SYNPR: variants seen among roughly 807,000 people sequenced by gnomAD.
The protein encoded by SYNPR is synaptoporin.
SYNPR carries 23 observed loss-of-function variants against 32.9 expected under a neutral mutation model. That is an observed-to-expected ratio of 0.70 (90% CI 0.50 to 0.99). SYNPR has a LOEUF of 0.99. Ranked by LOEUF, SYNPR falls within the 50% of genes least tolerant of loss-of-function variation. SYNPR has a pLI of 0.00. For missense variants in SYNPR, 318 were observed against 349.3 expected (o/e 0.91, Z 0.71); for synonymous variants, 146 against 135.9 (o/e 1.07, Z -0.52).
intron 2 of SYNPR, among the ~76,000 whole-genome samples, chr3:63,377,477 C>T (rs2087909039): frequency 6.6e-6 from 1 of 152,042 alleles, no homozygotes; most frequent in Non-Finnish European, 1.5e-5. Flanking sequence ...AGGACAATAG[C>T]AAATTTCAGT....
intron 2 of SYNPR, among the ~76,000 whole-genome samples, chr3:63,444,680 T>C (rs915513379): frequency 6.6e-5 from 10 of 152,246 alleles, no homozygotes; most frequent in African/African-American, 1.4e-4. Context: ...CAGCTCAGAA[T>C]GCCTGTCTGG....
chr3:63,299,951 A>C (rs1287373690), intron 2 of SYNPR, among the ~76,000 whole-genome samples: 1 of 152,118 alleles, frequency 6.6e-6, no homozygotes, highest in African/African-American at 2.4e-5. Flanking sequence ...AGGATGAAGC[A>C]CTTCCATGTT....
chr3:63,435,323 C>A (rs777209158), intron 2 of SYNPR, among the ~76,000 whole-genome samples: 14 of 152,158 alleles, frequency 9.2e-5, no homozygotes, highest in Admixed American at 2.6e-4. Flanking sequence ...GAATGATAAT[C>A]AAATGACATA....
At chr3:63,506,566 T>C (rs746613018) in intron 3 of SYNPR, among the ~76,000 whole-genome samples, 2 of 152,156 alleles carry the variant, frequency 1.3e-5, no homozygotes, top group Non-Finnish European at 2.9e-5. Context: ...TACGTTGAAA[T>C]TGTAAATGCT....
chr3:63,241,086 T>A (rs1394913849), intron 1 of SYNPR, among the ~76,000 whole-genome samples: 1 of 152,062 alleles, frequency 6.6e-6, no homozygotes, highest in African/African-American at 2.4e-5. Flanking sequence ...AGGTACCCAC[T>A]ATCAGGATCC....
chr3:63,466,208 C>T (rs1700675139), intron 2 of SYNPR, among the ~76,000 whole-genome samples: 1 of 152,150 alleles, frequency 6.6e-6, no homozygotes, highest in East Asian at 1.9e-4. Flanking sequence ...TAGCCTCCTA[C>T]TCCTTTTAAT....
intron 2 of SYNPR, among the ~76,000 whole-genome samples, chr3:63,460,035 A>C (rs1313784371): frequency 6.6e-6 from 1 of 152,028 alleles, no homozygotes; most frequent in Non-Finnish European, 1.5e-5. Context: ...AAAAGTTCTC[A>C]CTGTTTTCTA....
intron 3 of SYNPR, among the ~76,000 whole-genome samples, chr3:63,554,658 G>T (rs1702563799): frequency 6.6e-6 from 1 of 151,802 alleles, no homozygotes; most frequent in Admixed American, 6.6e-5. Context: ...CTCCAGCTTT[G>T]TTCCTTTTGC....
chr3:63,371,139 C>T (rs902314330), intron 2 of SYNPR, among the ~76,000 whole-genome samples: 1 of 152,064 alleles, frequency 6.6e-6, no homozygotes, highest in Non-Finnish European at 1.5e-5. Flanking sequence ...GGCCCCCATA[C>T]CTCGGAAAAA....
intron 3 of SYNPR, among the ~76,000 whole-genome samples, chr3:63,495,942 G>A (rs1360024034): frequency 8.8e-6 from 1 of 113,414 alleles, no homozygotes; most frequent in African/African-American, 3.6e-5. Context: ...GCCCAGATAT[G>A]AACTGTGGAC....
intron 2 of SYNPR, among the ~76,000 whole-genome samples, chr3:63,315,752 C>G (rs1259681847): frequency 6.6e-6 from 1 of 152,016 alleles, no homozygotes; most frequent in African/African-American, 2.4e-5. Context: ...TCTGATTGCT[C>G]TGGCTAGGAC....
chr3:63,254,068 C>A (rs1297900034), intron 2 of SYNPR, among the ~76,000 whole-genome samples: 1 of 151,506 alleles, frequency 6.6e-6, no homozygotes, highest in African/African-American at 2.4e-5. Context: ...ATCGCAAGGA[C>A]AAAAAAACCA....
intron 2 of SYNPR, among the ~76,000 whole-genome samples, chr3:63,400,441 C>T (rs2088276091): frequency 6.6e-6 from 1 of 152,238 alleles, no homozygotes; most frequent in Admixed American, 6.5e-5. Context: ...GTTACTCACA[C>T]CAATGGCACG....
At chr3:63,583,995 G>T (rs1206164166) in intron 4 of SYNPR, among the ~76,000 whole-genome samples, 3 of 152,130 alleles carry the variant, frequency 2.0e-5, no homozygotes, top group Non-Finnish European at 4.4e-5. Flanking sequence ...AGGAGGAGTA[G>T]ATGGGGGTGA....
intron 2 of SYNPR, among the ~76,000 whole-genome samples, chr3:63,448,690 T>C (rs1700324899): frequency 6.6e-6 from 1 of 152,136 alleles, no homozygotes; most frequent in African/African-American, 2.4e-5. Flanking sequence ...AATAAATATT[T>C]AAGGATGCCT....
intron 4 of SYNPR, among the ~76,000 whole-genome samples, chr3:63,585,910 C>T (rs139248320): frequency 1.2e-4 from 18 of 152,218 alleles, no homozygotes; most frequent in Admixed American, 3.3e-4. Flanking sequence ...CCAGGTCTAT[C>T]TTCTCCTTCC....
intron 4 of SYNPR, among the ~76,000 whole-genome samples, chr3:63,596,288 C>T (rs1209360745): frequency 7.2e-6 from 1 of 139,602 alleles, no homozygotes; most frequent in East Asian, 2.2e-4. Context: ...TCTTTACTTC[C>T]TTCCCCCTCC....
rs147190220 is a variant in SYNPR at position 63,331,487 on chromosome 3, T to C, written c.84+52745T>C. Among the ~76,000 whole-genome samples, 663 of 152,250 alleles carry C rather than the reference T, an allele frequency of 4.4e-3. 3 individuals carry two copies. The highest frequency in any genetic ancestry group is 4.6e-3 in the Non-Finnish European group (314 of 68,022). On this transcript the variant is annotated intron_variant, in intron 2 of 5. Coordinates refer to ENST00000478300, the MANE Select transcript of SYNPR (RefSeq NM_001130003.2). ...TGTTCTGTTCCTTTTCCTCTAATAA[T>C]AACAAAAGGAAGAGTAGTAATATAC...
intron 2 of SYNPR, among the ~76,000 whole-genome samples, chr3:63,424,998 A>G (rs1199909824): frequency 6.6e-6 from 1 of 152,158 alleles, no homozygotes; most frequent in African/African-American, 2.4e-5. Context: ...CCCAATCCCA[A>G]TCACATTAGA....
Sources: allele counts gnomAD v4.1 joint callset (sites outside exome capture counted in the v4.1 genomes callset), GRCh38; gene constraint gnomAD v4.1.1; transcripts MANE v1.5; gene names NCBI Gene and HGNC (gene_info 2026-07-23, HGNC 2026-07-21).